FOXP1: variants seen among roughly 807,000 people sequenced by gnomAD.
FOXP1 encodes the protein forkhead box protein P1.
FOXP1 carries 15 observed loss-of-function variants against 98.2 expected under a neutral mutation model. The ratio of observed to expected loss-of-function variants is 0.15; its 90% CI spans 0.10 to 0.24. FOXP1 has a LOEUF of 0.24. Among genes scored for constraint, FOXP1 ranks in the 10% least tolerant of loss-of-function variants. The pLI is 1.00. For missense variants in FOXP1, 633 were observed against 848.5 expected, an observed-to-expected ratio of 0.75 and a Z score of 3.15; for synonymous variants, 371 against 314.5, an observed-to-expected ratio of 1.18 and a Z score of -1.90.
chr3:71,439,989 G>T (rs1164619417), intron 3 of FOXP1, among the ~76,000 whole-genome samples: 1 of 150,288 alleles, frequency 6.7e-6, no homozygotes, highest in Non-Finnish European at 1.5e-5. Flanking sequence ...GAATCCTGCT[G>T]TAACAGGCAC....
intron 3 of FOXP1, among the ~76,000 whole-genome samples, chr3:71,459,274 C>T (rs1179798856): frequency 1.3e-5 from 2 of 152,122 alleles, no homozygotes; most frequent in African/African-American, 4.8e-5. Context: ...GACTGAAGAG[C>T]TCTGGATTGC....
At position 71,151,644 on chromosome 3, in the gene FOXP1, G is replaced by A. The variant is rs1349226794; in HGVS notation, c.181-39007C>T. Reference sequence around the variant, plus strand: ...AAAATGAACTCCCTTTAGTCGAGAGGATGCATGTCTAAAACATTTTTTTTT... The same window carrying A: ...AAAATGAACTCCCTTTAGTCGAGAGAATGCATGTCTAAAACATTTTTTTTT... On this transcript the variant is annotated intron_variant, in intron 6 of 20. Transcript: ENST00000649528. Among the ~76,000 whole-genome samples the A allele has an allele frequency of 8.8e-5, 13 of 147,768 alleles. No individual in the cohort carries two copies. In the Admixed American group the frequency reaches 9.0e-4, roughly 10 times the overall value.
At chr3:71,278,970 T>A (rs961114510) in intron 5 of FOXP1, among the ~76,000 whole-genome samples, 2 of 151,612 alleles carry the variant, frequency 1.3e-5, no homozygotes, top group African/African-American at 4.8e-5. Flanking sequence ...GGCGGGTGGA[T>A]CACCTGAGGT....
intron 5 of FOXP1, among the ~76,000 whole-genome samples, chr3:71,227,479 A>G (rs2065932815): frequency 6.6e-6 from 1 of 152,212 alleles, no homozygotes; most frequent in Admixed American, 6.5e-5. Flanking sequence ...AGCTTATCTA[A>G]CGGTCTATTG....
chr3:70,974,694 TTCCTTTAAAAA>T (rs1393686721), intron 17 of FOXP1, among the ~76,000 whole-genome samples: 1 of 152,182 alleles, frequency 6.6e-6, no homozygotes, highest in East Asian at 1.9e-4. Context: ...CAGAGCCAAT[TTCCTTTAAAAA>T]TCCAGACAGG....
intron 3 of FOXP1, among the ~76,000 whole-genome samples, chr3:71,370,795 G>GTTTTT (rs1357412935): frequency 9.6e-6 from 1 of 104,272 alleles, no homozygotes; most frequent in Non-Finnish European, 2.0e-5. Context: ...AGTTTTTTTT[G>GTTTTT]TTGTTTTTTT....
intron 13 of FOXP1, among the ~76,000 whole-genome samples, chr3:70,988,343 C>T (rs143710523): frequency 2.0e-5 from 3 of 152,322 alleles, no homozygotes; most frequent in Non-Finnish European, 4.4e-5. Flanking sequence ...GGAACACAGA[C>T]AGCTAAAAGA....
intron 6 of FOXP1, among the ~76,000 whole-genome samples, chr3:71,160,232 C>A (rs917350254): frequency 1.3e-5 from 2 of 152,024 alleles, no homozygotes; most frequent in African/African-American, 4.8e-5. Flanking sequence ...TTGTAAAACA[C>A]TGCAACTCCA....
At chr3:70,966,113 T>C (rs914736280) in intron 19 of FOXP1, 57 bp from the exon 20 acceptor site, 28 of 1,390,270 alleles carry the variant, frequency 2.0e-5, no homozygotes, top group Non-Finnish European at 2.5e-5. Flanking sequence ...ACAAGGAAAC[T>C]ACTAATTATG....
At chr3:71,351,701 CCCAG>C (rs1255412738) in intron 4 of FOXP1, among the ~76,000 whole-genome samples, 1 of 152,178 alleles carries the variant, frequency 6.6e-6, no homozygotes, top group African/African-American at 2.4e-5. Context: ...TGGGAAAATG[CCCAG>C]GTACGGGACC....
intron 5 of FOXP1, among the ~76,000 whole-genome samples, chr3:71,203,485 T>G (rs2063798378): frequency 6.6e-6 from 1 of 152,220 alleles, no homozygotes; most frequent in Admixed American, 6.5e-5. Context: ...GCTTTATTAT[T>G]ATGATTATTT....
At chr3:70,999,955 G>C (rs1259538445) in intron 13 of FOXP1, among the ~76,000 whole-genome samples, 1 of 152,162 alleles carries the variant, frequency 6.6e-6, no homozygotes, top group East Asian at 1.9e-4. Flanking sequence ...CACTAGACCA[G>C]CCAGAGGAAG....
chr3:70,988,343 C>A (rs143710523), intron 13 of FOXP1, among the ~76,000 whole-genome samples: 4 of 152,204 alleles, frequency 2.6e-5, no homozygotes, highest in African/African-American at 4.8e-5. Context: ...GGAACACAGA[C>A]AGCTAAAAGA....
intron 18 of FOXP1, chr3:70,972,280 TAAAATGCAA>T: frequency 9.0e-7 from 1 of 1,106,780 alleles, no homozygotes; most frequent in Non-Finnish European, 1.3e-6. Context: ...AAAAAGAAAA[TAAAATGCAA>T]TAAGCATAAG....
At chr3:71,063,313 T>A (rs539489397) in intron 7 of FOXP1, among the ~76,000 whole-genome samples, 17 of 152,374 alleles carry the variant, frequency 1.1e-4, no homozygotes, top group South Asian at 1.0e-3. Context: ...TTGATTTACT[T>A]AGTGGTCAAT....
intron 6 of FOXP1, among the ~76,000 whole-genome samples, chr3:71,121,395 T>A (rs1277940496): frequency 1.3e-5 from 2 of 151,320 alleles, no homozygotes; most frequent in Non-Finnish European, 2.9e-5. Flanking sequence ...GGGGGATATC[T>A]ATGGTCCTCT....
At chr3:71,151,155 T>C (rs946758542) in intron 6 of FOXP1, among the ~76,000 whole-genome samples, 4 of 152,198 alleles carry the variant, frequency 2.6e-5, no homozygotes, top group Non-Finnish European at 5.9e-5. Flanking sequence ...CTCAGCCTTC[T>C]CAACTGTGAA....
upstream of FOXP1, chr3:71,583,765 C>A (rs2048380550): frequency 6.1e-6 from 6 of 986,146 alleles, no homozygotes; most frequent in African/African-American, 1.8e-5. Flanking sequence ...ACAATAGATT[C>A]CTCCGCTCCG....
At chr3:71,365,660 T>G (rs2078871487) in intron 3 of FOXP1, among the ~76,000 whole-genome samples, 1 of 152,198 alleles carries the variant, frequency 6.6e-6, no homozygotes, top group Admixed American at 6.6e-5. Flanking sequence ...GAAGATTCCC[T>G]AAATTAGAAG....
Sources: gnomAD v4.1 joint callset for allele counts (sites outside exome capture counted in the v4.1 genomes callset) on GRCh38, gnomAD v4.1.1 for gene constraint, MANE v1.5 for transcripts, NCBI Gene and HGNC (gene_info 2026-07-23, HGNC 2026-07-21) for gene names.